DONSON: variants seen among roughly 807,000 people sequenced by gnomAD.
DONSON encodes the protein DNA replication fork stabilization factor DONSON, also known as protein downstream neighbor of Son.
Under a neutral mutation model 62.1 loss-of-function variants are expected in DONSON, and 43 were observed. The ratio of observed to expected loss-of-function variants is 0.69; its 90% confidence interval spans 0.54 to 0.89. The LOEUF (loss-of-function observed/expected upper bound fraction) is 0.89. DONSON is among the 40% of genes least tolerant of loss of function. The pLI is 0.00. For missense variants in DONSON, 696 were observed against 697.5 expected, an observed-to-expected ratio of 1.00 and a Z score of 0.03; for synonymous variants, 266 against 264.6, an observed-to-expected ratio of 1.01 and a Z score of -0.05.
Position 33,587,525 on chromosome 21 carries a change from A to C in DONSON, c.399T>G (p.Pro133=). Residue 133 remains proline, a synonymous_variant, in exon 2 of 10, where the codon CCT becomes CCG. Coordinates refer to ENST00000303071, the MANE Select transcript of DONSON (RefSeq NM_017613.4). The stretch of plus-strand genomic sequence containing the variant: ...AATGATATTTAAAAAGTATTACCTG[A>C]GGTAATTCAGTAACAGTTGTTCTTT... ...FPERTTVTEL[P]QTSHVSFSEP... 6 of 1,588,466 alleles carry C rather than the reference A, an allele frequency of 3.8e-6. No individual in the cohort carries two copies. The highest frequency in any genetic ancestry group is 5.1e-6 in the Non-Finnish European group (6 of 1,171,160).
intron 3 of DONSON, among the ~76,000 whole-genome samples, chr21:33,585,055 T>G (rs1393189600): frequency 6.6e-6 from 1 of 152,146 alleles, no homozygotes; most frequent in Non-Finnish European, 1.5e-5. Flanking sequence ...GGGGTGGGCA[T>G]GTGTGTGTAG....
rs527791265 is a variant in DONSON at position 33,587,130 on chromosome 21, T to C, written c.402+392A>G. On this transcript the variant is annotated intron_variant, in intron 2 of 9. Coordinates refer to ENST00000303071, the MANE Select transcript of DONSON (RefSeq NM_017613.4). ...TAGTTGGGGAATGGAAACGTGTGTG[T>C]GTTAGGGGAGAGGAGCAACGAGGTT... Among the ~76,000 whole-genome samples the C allele has an allele frequency of 2.0e-4, 31 of 152,200 alleles. No homozygotes were observed. In the South Asian group the frequency reaches 6.0e-3, roughly 30 times the overall value.
chr21:33,586,365 T>C lies in DONSON; in HGVS notation c.403-184A>G, dbSNP rs1042163743. Among the ~76,000 whole-genome samples, 4 of 152,170 alleles carry C rather than the reference T, an allele frequency of 2.6e-5. No homozygotes were observed. The East Asian group carries it at 5.8e-4, about 22-fold the overall frequency. ...AGGAGTCACACTAAACTTTTAACCA[T>C]GGTTACCTATGGGAAGCGGGAATTT... On this transcript the variant is annotated intron_variant, in intron 2 of 9. Coordinates refer to ENST00000303071, the MANE Select transcript of DONSON (RefSeq NM_017613.4).
intron 7 of DONSON, 73 bp from the exon 8 acceptor site, chr21:33,581,573 A>G (rs1324389133): frequency 1.6e-6 from 2 of 1,260,764 alleles, no homozygotes; most frequent in Non-Finnish European, 2.2e-6. Flanking sequence ...TTGATTCTGA[A>G]TCACCTGAGA....
At chr21:33,582,277 G>A in intron 5 of DONSON, 31 bp from the exon 6 acceptor site, 3 of 1,524,954 alleles carry the variant, frequency 2.0e-6, no homozygotes, top group Non-Finnish European at 2.7e-6. Flanking sequence ...TAACTGAGTT[G>A]TCATTTAAAG....
At chr21:33,582,365 TAG>T (rs1354929491) in intron 5 of DONSON, 119 bp from the exon 6 acceptor site, 10 of 771,000 alleles carry the variant, frequency 1.3e-5, no homozygotes, top group Admixed American at 5.5e-5. Flanking sequence ...ATTAAGGCAG[TAG>T]AGTTTTCAAG....
chr21:33,587,798 G>A (rs758060468), intron 1 of DONSON, among the ~76,000 whole-genome samples, 196 bp from the exon 2 acceptor site: 37 of 152,110 alleles, frequency 2.4e-4, no homozygotes, highest in Non-Finnish European at 4.7e-4. Flanking sequence ...AGGGGAACAG[G>A]GACCGGCGTT....
intron 5 of DONSON, among the ~76,000 whole-genome samples, chr21:33,583,200 CAAAA>C (rs552034893): frequency 2.8e-3 from 164 of 58,916 alleles, no homozygotes; most frequent in East Asian, 0.016. Context: ...GTCTCCATCT[CAAAA>C]AAAAAAAAAA....
At chr21:33,585,838 A>T (rs2086571276) in intron 3 of DONSON, 140 bp downstream of exon 3, 1 of 798,354 alleles carries the variant, frequency 1.3e-6, no homozygotes, top group African/African-American at 1.7e-5. Context: ...ACCATCTGGG[A>T]AAGACAAAAC....
intron 2 of DONSON, among the ~76,000 whole-genome samples, chr21:33,586,976 G>C (rs929563671): frequency 6.6e-6 from 1 of 152,148 alleles, no homozygotes; most frequent in Non-Finnish European, 1.5e-5. Context: ...TATCAGAGAA[G>C]GGGGAACTAT....
At chr21:33,579,180 A>G (rs1287891614) in intron 9 of DONSON, among the ~76,000 whole-genome samples, 170 bp downstream of exon 9, 3 of 152,118 alleles carry the variant, frequency 2.0e-5, no homozygotes, top group Non-Finnish European at 2.9e-5. Context: ...CATGAAAGCT[A>G]CCTCACATAA....
Position 33,582,635 on chromosome 21 carries a change from G to A in DONSON, c.965-389C>T, listed in dbSNP as rs532644565. 1.4e-4 allele frequency among the ~76,000 whole-genome samples: 21 copies of A among 152,228 alleles called. No homozygotes were observed. In the South Asian group the frequency reaches 3.9e-3, roughly 29 times the overall value. ...AGTATATTCAGATAGTGACTATCTG[G>A]CCCAATATGTGTTTTATTTTAGAGA... On this transcript the variant is annotated intron_variant, in intron 5 of 9. Transcript: ENST00000303071.
chr21:33,583,711 T>A (rs769662508), intron 4 of DONSON, 45 bp from the exon 5 acceptor site: 1 of 1,419,510 alleles, frequency 7.0e-7, no homozygotes, highest in Non-Finnish European at 9.7e-7. Context: ...AAACATTTAA[T>A]GCAATGTTTA....
chr21:33,583,603 A>T lies in DONSON; in HGVS notation c.849T>A (p.Val283=). ...LKTKLCPYFY[V]CTYQFTVLFR... is the part of the protein sequence containing the mutation. ...ACAGGACAGTAAACTGATAGGTACA[A>T]ACGTAGAAATAGGGGCAAAGTTTTG... The change falls in exon 5 of 10, where the codon GTT becomes GTA. Residue 283 remains valine (V), a synonymous_variant. Transcript: ENST00000303071. 1 of 1,613,502 alleles carries T rather than the reference A, an allele frequency of 6.2e-7. No homozygotes were observed. Among genetic ancestry groups the T allele is most frequent in the Non-Finnish European group, 8.5e-7 (1 of 1,179,596 alleles).
At chr21:33,580,757 C>T (rs1319806765) in intron 8 of DONSON, among the ~76,000 whole-genome samples, 1 of 151,976 alleles carries the variant, frequency 6.6e-6, no homozygotes, top group Non-Finnish European at 1.5e-5. Flanking sequence ...TGGTGCCCAC[C>T]TGTAACCCCA....
chr21:33,588,193 C>G (rs1174915569), intron 1 of DONSON, 128 bp downstream of exon 1: 1 of 793,504 alleles, frequency 1.3e-6, no homozygotes, highest in African/African-American at 1.8e-5. Flanking sequence ...ACCCTAAGGC[C>G]ACGGGCGGCC....
intron 2 of DONSON, among the ~76,000 whole-genome samples, chr21:33,586,640 T>G (rs1332986475): frequency 6.6e-6 from 1 of 152,164 alleles, no homozygotes; most frequent in Non-Finnish European, 1.5e-5. Flanking sequence ...AAGAATTTTT[T>G]TTTTTTTAAA....
rs1031413696 is a variant in DONSON at position 33,580,905 on chromosome 21, GA to G, written c.1350+396del. Among the ~76,000 whole-genome samples, 578 of 139,930 alleles carry G rather than the reference GA, an allele frequency of 4.1e-3. 2 individuals carry two copies. Among genetic ancestry groups the G allele is most frequent in the Non-Finnish European group, 5.6e-3 (355 of 63,886 alleles). The allele number at this position is 139,930 out of a possible 152,430, so 91.8% of individuals were successfully genotyped here. Reference sequence around the variant, plus strand: ...AAAACAAACAAACAAAAACAAACAAGAAAAAAAAAAACAAAAAAAATAGCTA... The same window carrying G: ...AAAACAAACAAACAAAAACAAACAAGAAAAAAAAAACAAAAAAAATAGCTA... On this transcript the variant is annotated intron_variant, in intron 8 of 9. Coordinates refer to ENST00000303071, the MANE Select transcript of DONSON (RefSeq NM_017613.4).
Position 33,583,576 on chromosome 21 carries a change from G to C in DONSON, c.876C>G (p.Phe292Leu), listed in dbSNP as rs779803447. 1.2e-6 allele frequency: 2 copies of C among 1,613,898 alleles called. No individual in the cohort carries two copies. Among genetic ancestry groups the C allele is most frequent in the East Asian group, 2.2e-5 (1 of 44,850 alleles). The change falls in exon 5 of 10, where the codon TTC becomes TTG. Residue 292 changes from phenylalanine to leucine, a missense_variant. By Grantham distance (22) the Phe-to-Leu change is conservative. Transcript: ENST00000303071. ...CACTTCCAGCTAATCCTGCTGCTCG[G>C]AACAGGACAGTAAACTGATAGGTAC... is the stretch of plus-strand genomic sequence containing the variant. ...YVCTYQFTVL[F>L]RAAGLAGSDL...
Sources: allele counts gnomAD v4.1 joint callset (sites outside exome capture counted in the v4.1 genomes callset), GRCh38; gene constraint gnomAD v4.1.1; transcripts MANE v1.5; gene names NCBI Gene and HGNC (gene_info 2026-07-23, HGNC 2026-07-21).